Variants in CTNNA2 observed in about 807,000 individuals in gnomAD.
CTNNA2 encodes catenin alpha-2.
A neutral mutation model predicts 101.0 loss-of-function variants in CTNNA2; 42 were observed. The observed-to-expected ratio is 0.42, with a 90% CI of 0.32 to 0.54. CTNNA2 has a LOEUF of 0.54. Ranked by LOEUF, CTNNA2 falls within the 20% of genes least tolerant of loss-of-function variation. The pLI is 0.14. For synonymous variants in CTNNA2, 450 were observed against 456.4 expected, an observed-to-expected ratio of 0.99 and a Z score of 0.18; for missense variants, 871 against 1,223.1, an observed-to-expected ratio of 0.71 and a Z score of 4.29.
intron 2 of CTNNA2, among the ~76,000 whole-genome samples, chr2:79,720,331 C>T (rs569314832): frequency 6.6e-6 from 1 of 152,186 alleles, no homozygotes; most frequent in African/African-American, 2.4e-5. Flanking sequence ...TAGTGTAATG[C>T]CTCTGGCTTT....
chr2:79,528,865 G>C (rs1022460113), intron 1 of CTNNA2, among the ~76,000 whole-genome samples: 6 of 152,102 alleles, frequency 3.9e-5, no homozygotes, highest in Admixed American at 1.3e-4. Flanking sequence ...ACGATACCAA[G>C]ATAAGTAAGA....
rs559553478 is a variant in CTNNA2, at chr2:80,348,617, T to TA, written c.1057-44589dup. ...AGCTGTGTATGATTAACAGCAACTTTAAAAAGAGCATTTCTGGTTTATTTT... is the reference window on the plus strand; with the variant it reads ...AGCTGTGTATGATTAACAGCAACTTTAAAAAAGAGCATTTCTGGTTTATTTT... On this transcript the variant is annotated intron_variant, in intron 7 of 18. Coordinates refer to ENST00000402739, the MANE Select transcript of CTNNA2 (RefSeq NM_001282597.3). 8.9e-3 allele frequency among the ~76,000 whole-genome samples: 1,353 copies of TA among 152,280 alleles called. 11 individuals carry two copies. The highest frequency in any genetic ancestry group is 0.015 in the Non-Finnish European group (1,044 of 68,014).
chr2:80,141,158 G>C (rs1702982855), intron 7 of CTNNA2, among the ~76,000 whole-genome samples: 2 of 152,072 alleles, frequency 1.3e-5, no homozygotes, highest in Admixed American at 6.6e-5. Flanking sequence ...CCTCAGGAAG[G>C]ATGGACATAT....
At chr2:79,547,943 G>A (rs377637872) in intron 1 of CTNNA2, 8 of 152,352 alleles carry the variant, frequency 5.3e-5, no homozygotes, top group African/African-American at 1.9e-4. Context: ...TGATGTTAAT[G>A]TAGTGAGAAC....
rs78310132 is a variant in CTNNA2 at position 79,747,609 on chromosome 2, A to G, written c.298+3027A>G. Among the ~76,000 whole-genome samples, 432 of 152,298 alleles carry G rather than the reference A, an allele frequency of 2.8e-3. 7 individuals are homozygous for G. In the East Asian group the frequency reaches 0.049, roughly 17 times the overall value. ...TGTCATTACAAGTTAGTTTTCACAC[A>G]TTCTGTAGAAACTAACGTTTTCATT... On this transcript the variant is annotated intron_variant, in intron 3 of 18. Transcript: ENST00000402739.
At chr2:79,733,121 A>G (rs113998792) in intron 2 of CTNNA2, among the ~76,000 whole-genome samples, 225 of 152,250 alleles carry the variant, frequency 1.5e-3, no homozygotes, top group African/African-American at 3.8e-3. Flanking sequence ...TACAAATATA[A>G]TAAGTTTGCT....
At chr2:80,144,910 A>G (rs1703238673) in intron 7 of CTNNA2, among the ~76,000 whole-genome samples, 1 of 152,114 alleles carries the variant, frequency 6.6e-6, no homozygotes, top group African/African-American at 2.4e-5. Flanking sequence ...GCATTGTGGG[A>G]TGTGTAGCAT....
At position 80,349,489 on chromosome 2, in the gene CTNNA2, T is replaced by C. The variant is rs191090654; in HGVS notation, c.1057-43722T>C. Among the ~76,000 whole-genome samples, 10 of 152,250 alleles carry C rather than the reference T, an allele frequency of 6.6e-5. No individual in the cohort carries two copies. In the East Asian group the frequency reaches 1.7e-3, roughly 27 times the overall value. ...GGGGAGTTCTGGCCCCAGGTTCTGA[T>C]TACCATTTCCTGTTACAATCACCAT... On this transcript the variant is annotated intron_variant, in intron 7 of 18. Coordinates refer to ENST00000402739, the MANE Select transcript of CTNNA2 (RefSeq NM_001282597.3).
At chr2:80,186,331 T>C (rs1333135530) in intron 7 of CTNNA2, among the ~76,000 whole-genome samples, 1 of 152,240 alleles carries the variant, frequency 6.6e-6, no homozygotes, top group Non-Finnish European at 1.5e-5. Flanking sequence ...GCTATTTAAC[T>C]TCTTGTTTGG....
intron 2 of CTNNA2, among the ~76,000 whole-genome samples, chr2:79,653,524 A>G (rs1287027453): frequency 6.6e-6 from 1 of 152,180 alleles, no homozygotes; most frequent in African/African-American, 2.4e-5. Flanking sequence ...CATGAATTAC[A>G]TGCCTAATCA....
chr2:79,757,781 G>A (rs2105066781), intron 3 of CTNNA2, among the ~76,000 whole-genome samples: 1 of 152,250 alleles, frequency 6.6e-6, no homozygotes, highest in South Asian at 2.1e-4. Flanking sequence ...GTGCGACCTG[G>A]GAAAATTATT....
intron 3 of CTNNA2, among the ~76,000 whole-genome samples, chr2:79,328,400 A>G (rs1048156567): frequency 6.6e-6 from 1 of 152,206 alleles, no homozygotes; most frequent in African/African-American, 2.4e-5. Context: ...TGACTAAGAT[A>G]TTCATAACAG....
chr2:80,163,569 C>A (rs1425832464), intron 7 of CTNNA2, among the ~76,000 whole-genome samples: 1 of 152,058 alleles, frequency 6.6e-6, no homozygotes, highest in Non-Finnish European at 1.5e-5. Context: ...TGAAGAGAAT[C>A]TGTATTCTGC....
At chr2:79,456,787 G>A (rs1670826350) in intron 4 of CTNNA2, among the ~76,000 whole-genome samples, 1 of 152,250 alleles carries the variant, frequency 6.6e-6, no homozygotes, top group East Asian at 1.9e-4. Context: ...GTTCTGCTCA[G>A]AACAGAGCAA....
chr2:79,552,596 C>A (rs1674181776), intron 1 of CTNNA2, among the ~76,000 whole-genome samples: 1 of 152,166 alleles, frequency 6.6e-6, no homozygotes, highest in Admixed American at 6.5e-5. Context: ...TAGACTTCTG[C>A]CTGGACATCC....
intron 7 of CTNNA2, among the ~76,000 whole-genome samples, chr2:80,131,306 G>A (rs768581595): frequency 3.3e-5 from 5 of 152,086 alleles, no homozygotes; most frequent in Non-Finnish European, 5.9e-5. Flanking sequence ...TGATCTGCCC[G>A]CCTTGGCCTC....
At chr2:79,770,390 G>T (rs1006336498) in intron 3 of CTNNA2, among the ~76,000 whole-genome samples, 4 of 152,164 alleles carry the variant, frequency 2.6e-5, no homozygotes, top group Non-Finnish European at 5.9e-5. Flanking sequence ...ATCACTGGAA[G>T]TGCATCATTT....
At position 80,393,260 on chromosome 2, in the gene CTNNA2, T is replaced by C; in HGVS notation, c.1106T>C (p.Met369Thr). The C allele has an allele frequency of 6.2e-7, 1 of 1,611,468 alleles. No homozygotes were observed. The highest frequency in any genetic ancestry group is 8.5e-7 in the Non-Finnish European group (1 of 1,178,714). ...GDPLNIAIDK[M>T]TKKTRDLRRQ... ...CCTCTCAACATTGCGATTGATAAGA[T>C]GACTAAGAAAACAAGAGATCTAAGG... is the stretch of plus-strand genomic sequence containing the variant. Residue 369 changes from methionine to threonine, a missense_variant, in exon 8 of 19, where the codon ATG becomes ACG. Transcript: ENST00000402739.
intron 4 of CTNNA2, among the ~76,000 whole-genome samples, chr2:79,454,859 G>T (rs1670798726): frequency 6.6e-6 from 1 of 152,180 alleles, no homozygotes; most frequent in Non-Finnish European, 1.5e-5. Flanking sequence ...CATAGAGGCA[G>T]ACCTGTGAAT....
Sources: gnomAD v4.1 joint callset for allele counts (sites outside exome capture counted in the v4.1 genomes callset) on GRCh38, gnomAD v4.1.1 for gene constraint, MANE v1.5 for transcripts, NCBI Gene and HGNC (gene_info 2026-07-23, HGNC 2026-07-21) for gene names.